Variants in JCAD observed in about 807,000 individuals in gnomAD.
JCAD encodes junctional cadherin 5-associated protein.
JCAD carries 40 observed loss-of-function variants against 98.0 expected under a neutral mutation model. That is an observed-to-expected ratio of 0.41 (90% CI 0.32 to 0.53). The LOEUF is 0.53. Among genes scored for constraint, JCAD ranks in the 20% least tolerant of loss-of-function variants. The probability of loss-of-function intolerance (pLI) is 0.31; values close to 1 mark genes in which losing one functional copy is unlikely to be tolerated. For missense variants in JCAD, 1,705 were observed against 1,738.1 expected (o/e 0.98, Z 0.34); for synonymous variants, 691 against 682.3 (o/e 1.01, Z -0.20).
At chr10:30,099,189 A>G (rs1838428582) in intron 1 of JCAD, among the ~76,000 whole-genome samples, 1 of 152,206 alleles carries the variant, frequency 6.6e-6, no homozygotes, top group East Asian at 1.9e-4. Context: ...ATCCCAACTC[A>G]TCTTACACCT....
intron 1 of JCAD, among the ~76,000 whole-genome samples, chr10:30,113,931 A>T (rs1371236149): frequency 1.3e-5 from 2 of 152,078 alleles, no homozygotes; most frequent in African/African-American, 4.8e-5. Context: ...GATGGTCTTG[A>T]TCTCCTATCC....
At chr10:30,103,362 A>C (rs1588656551) in intron 1 of JCAD, among the ~76,000 whole-genome samples, 1 of 152,294 alleles carries the variant, frequency 6.6e-6, no homozygotes, top group East Asian at 1.9e-4. Context: ...GTTCCTCAAA[A>C]ATTAAAAGTA....
At chr10:30,089,206 G>A (rs761303225) in intron 1 of JCAD, among the ~76,000 whole-genome samples, 3 of 152,044 alleles carry the variant, frequency 2.0e-5, no homozygotes, top group Admixed American at 6.6e-5. Flanking sequence ...TCAAGATTTC[G>A]TCCTCTGCAA....
chr10:30,114,577 T>C (rs1349134941), intron 1 of JCAD, among the ~76,000 whole-genome samples: 1 of 43,256 alleles, frequency 2.3e-5, no homozygotes, highest in Non-Finnish European at 4.7e-5. Flanking sequence ...AACAGCACAA[T>C]TAAAAAAAAA....
intron 1 of JCAD, chr10:30,069,939 TTA>T (rs2132670105): frequency 6.6e-6 from 1 of 152,324 alleles, no homozygotes; most frequent in East Asian, 1.9e-4. Flanking sequence ...GTGTTCTAAC[TTA>T]AACCCAGCTA....
chr10:30,048,020 T>TCTGC (rs1426095794), intron 1 of JCAD, 149 bp from the exon 2 acceptor site: 6 of 532,396 alleles, frequency 1.1e-5, no homozygotes, highest in East Asian at 3.1e-5. Flanking sequence ...CAGGGATGGC[T>TCTGC]CTGCCTGAAA....
intron 2 of JCAD, among the ~76,000 whole-genome samples, chr10:30,039,822 C>G (rs964313155): frequency 6.6e-6 from 1 of 152,134 alleles, no homozygotes; most frequent in Non-Finnish European, 1.5e-5. Flanking sequence ...TCCAGTGGAA[C>G]GCTGTCGGCA....
intron 1 of JCAD, among the ~76,000 whole-genome samples, chr10:30,051,984 A>G (rs1416849791): frequency 1.3e-5 from 2 of 152,232 alleles, no homozygotes; most frequent in African/African-American, 4.8e-5. Flanking sequence ...TCCCCAAATC[A>G]TCAAATGGAT....
intron 1 of JCAD, among the ~76,000 whole-genome samples, chr10:30,102,853 A>G (rs908651124): frequency 6.6e-6 from 1 of 152,204 alleles, no homozygotes; most frequent in African/African-American, 2.4e-5. Flanking sequence ...ATGAAGAGCA[A>G]AGTCACGTCT....
intron 1 of JCAD, among the ~76,000 whole-genome samples, chr10:30,112,308 T>A (rs964990860): frequency 6.6e-6 from 1 of 151,370 alleles, no homozygotes; most frequent in Non-Finnish European, 1.5e-5. Context: ...ACCCTGTCTC[T>A]ACAAAAAATT....
At chr10:30,041,004 C>T (rs770674060) in intron 2 of JCAD, among the ~76,000 whole-genome samples, 7 of 152,242 alleles carry the variant, frequency 4.6e-5, no homozygotes, top group African/African-American at 1.4e-4. Flanking sequence ...ATGAGGCCCT[C>T]GGCAGTGCTG....
chr10:30,038,151 T>G (rs1008232530), intron 2 of JCAD, among the ~76,000 whole-genome samples: 1 of 152,248 alleles, frequency 6.6e-6, no homozygotes, highest in South Asian at 2.1e-4. Flanking sequence ...ACACACAAGT[T>G]AAGTCGGAGG....
At chr10:30,056,348 T>G (rs1258860473) in intron 1 of JCAD, among the ~76,000 whole-genome samples, 1 of 152,218 alleles carries the variant, frequency 6.6e-6, no homozygotes, top group Non-Finnish European at 1.5e-5. Flanking sequence ...TCTATTTATT[T>G]CCTAAGTACA....
intron 1 of JCAD, among the ~76,000 whole-genome samples, chr10:30,099,117 C>T (rs1449303130): frequency 6.6e-6 from 1 of 152,170 alleles, no homozygotes; most frequent in Non-Finnish European, 1.5e-5. Context: ...AACTGTGAAT[C>T]TATTTCTTAT....
At position 30,026,149 on chromosome 10, in the gene JCAD, C is replaced by G. The variant is rs771380894; in HGVS notation, c.3999G>C (p.Pro1333=). 9.3e-6 allele frequency: 15 copies of G among 1,614,208 alleles called. No homozygotes were observed. Among genetic ancestry groups the G allele is most frequent in the African/African-American group, 1.3e-5 (1 of 75,066 alleles). ...CCATGCTCTTCTCCTTTTGTGCTGC[C>G]GGATGCTCCTTCTCTTCCCTGGAGA... ...DSISREEKEH[P]AAQKEKSMDQ... Residue 1333 remains proline (P), a synonymous_variant, in exon 3 of 4, where the codon CCG becomes CCC. Coordinates refer to ENST00000375377, the MANE Select transcript of JCAD (RefSeq NM_020848.4).
chr10:30,017,660 G>T lies in JCAD; in HGVS notation c.*223C>A. The stretch of plus-strand genomic sequence containing the variant: ...CTAATTATAGGCATTAAATCTTCAT[G>T]CTATAAAAACAGATGGTTTCAACGG... On this transcript the variant is annotated 3_prime_UTR_variant, in exon 4 of 4. Transcript: ENST00000375377. 1.7e-6 allele frequency: 1 copy of T among 602,990 alleles called. No individual in the cohort carries two copies. 37.4% of individuals were successfully genotyped at this position (602,990 alleles called of 1,614,324 possible). A position where few individuals can be genotyped will look rare whatever the true frequency, so the allele number is the denominator to read the frequency against.
At position 30,102,364 on chromosome 10, in the gene JCAD, G is replaced by T. The variant is rs1197964959; in HGVS notation, n.128+13003C>A. Among the ~76,000 whole-genome samples the T allele has an allele frequency of 3.3e-5, 5 of 152,044 alleles. No homozygotes were observed. The South Asian group carries it at 8.3e-4, about 25-fold the overall frequency. ...TTTTTGTATTTTTAGTAGAGAGAGG[G>T]TTCACCATGCTGGCCGGCCTGGTCT... On this transcript the variant is annotated intron_variant and non_coding_transcript_variant, in intron 1 of 2. Coordinates refer to the JCAD transcript ENST00000465712.
rs145658932 is a variant in JCAD at position 30,047,145 on chromosome 10, G to A, written c.281+387C>T. The stretch of plus-strand genomic sequence containing the variant: ...TCCCAGCACTTTGGGAGGCCTAGGC[G>A]GGCAGATCACGAGGTCAGGAGTTCG... On this transcript the variant is annotated intron_variant, in intron 2 of 3. Transcript: ENST00000375377. 5.1e-4 allele frequency among the ~76,000 whole-genome samples: 77 copies of A among 152,166 alleles called. No homozygotes were observed. In the East Asian group the frequency reaches 0.014, roughly 27 times the overall value.
chr10:30,083,857 T>C (rs566021785), intron 1 of JCAD, among the ~76,000 whole-genome samples: 19 of 152,168 alleles, frequency 1.2e-4, no homozygotes, highest in Admixed American at 2.6e-4. Flanking sequence ...TGAGACGCCA[T>C]CTTTACAAAA....
Sources: allele counts gnomAD v4.1 joint callset (sites outside exome capture counted in the v4.1 genomes callset), GRCh38; gene constraint gnomAD v4.1.1; transcripts MANE v1.5; gene names NCBI Gene and HGNC (gene_info 2026-07-23, HGNC 2026-07-21).